The following TRRAP variants were observed in gnomAD, a reference collection of about 807,000 sequenced individuals.
TRRAP encodes the protein transformation/transcription domain associated protein.
Under a neutral mutation model 438.8 loss-of-function variants are expected in TRRAP, and 41 were observed. That is an observed-to-expected ratio of 0.09 (90% CI 0.07 to 0.12). The LOEUF is 0.12. Ranked by LOEUF, TRRAP falls within the 10% of genes least tolerant of loss-of-function variation. TRRAP has a pLI of 1.00. For missense variants in TRRAP, 3,122 were observed against 5,055.1 expected, an observed-to-expected ratio of 0.62 and a Z score of 11.60; for synonymous variants, 1,994 against 1,962.9, an observed-to-expected ratio of 1.02 and a Z score of -0.42.
At chr7:98,886,475 G>T (rs1275358082) in intron 3 of TRRAP, among the ~76,000 whole-genome samples, 1 of 151,972 alleles carries the variant, frequency 6.6e-6, no homozygotes, top group Non-Finnish European at 1.5e-5. Context: ...GAGAGATAGA[G>T]ATAGATATAG....
In TRRAP at chr7:98,959,347, A is replaced by G; in HGVS notation, c.6346A>G (p.Asn2116Asp). The change falls in exon 45 of 73, where the codon AAT becomes GAT. Residue 2116 changes from asparagine (N) to aspartate (D), a missense_variant. Around this residue, in one of 24 missense-constraint regions of TRRAP, gnomAD observed 992 missense variants for 1,281.2 expected, o/e 0.77. Transcript: ENST00000456197. ...NFLIRVACQV[N>D]DNTNTAGSPG... ...TGTAACTCGGATGAATTCCTAGGTTAATGACAACACCAACACAGCGGGGTC... is the reference window on the plus strand; with the variant it reads ...TGTAACTCGGATGAATTCCTAGGTTGATGACAACACCAACACAGCGGGGTC... The G allele has an allele frequency of 6.2e-7, 1 of 1,613,408 alleles. No homozygotes were observed. Among genetic ancestry groups the G allele is most frequent in the Non-Finnish European group, 8.5e-7 (1 of 1,179,792 alleles).
In TRRAP at chr7:99,010,506, G is replaced by A. The variant is rs564168508; in HGVS notation, c.10939-546G>A. ...TGGGAAAAGACCCCGTAGATGGCCT[G>A]TACCAGATGGTCGAACGGGAAGTCC... is the stretch of plus-strand genomic sequence containing the variant. On this transcript the variant is annotated intron_variant, in intron 70 of 72. Coordinates refer to ENST00000456197, the MANE Select transcript of TRRAP (RefSeq NM_001375524.1). 5.0e-4 allele frequency among the ~76,000 whole-genome samples: 76 copies of A among 152,338 alleles called. 1 individual carries two copies. Among genetic ancestry groups the A allele is most frequent in the African/African-American group, 1.8e-3 (73 of 41,592 alleles).
At chr7:98,903,146 C>T (rs1466011519) in intron 11 of TRRAP, among the ~76,000 whole-genome samples, 1 of 152,132 alleles carries the variant, frequency 6.6e-6, no homozygotes, top group Non-Finnish European at 1.5e-5. Context: ...CTCAGCCTCC[C>T]AAGTAGCTGG....
At chr7:98,883,230 A>G (rs1203221630) in intron 3 of TRRAP, among the ~76,000 whole-genome samples, 1 of 151,978 alleles carries the variant, frequency 6.6e-6, no homozygotes, top group Non-Finnish European at 1.5e-5. Context: ...TTTTTTTATT[A>G]TCTGCAACTT....
At chr7:98,996,906 G>A (rs1396252837) in intron 67 of TRRAP, among the ~76,000 whole-genome samples, 3 of 152,098 alleles carry the variant, frequency 2.0e-5, no homozygotes, top group Admixed American at 1.3e-4. Context: ...TTAAGATTAA[G>A]TATCCTCTTT....
intron 16 of TRRAP, 44 bp from the exon 17 acceptor site, chr7:98,911,033 G>T: frequency 6.4e-7 from 1 of 1,566,840 alleles, no homozygotes; most frequent in Non-Finnish European, 8.7e-7. Flanking sequence ...ATTCAGAGAG[G>T]TTCAGTTTTA....
chr7:98,972,121 C>T (rs1352515606), intron 53 of TRRAP, among the ~76,000 whole-genome samples, 176 bp downstream of exon 53: 2 of 152,202 alleles, frequency 1.3e-5, no homozygotes, highest in Admixed American at 6.5e-5. Context: ...CACCTCACTG[C>T]GGCCTCAGTC....
Position 98,910,279 on chromosome 7 carries a change from C to A in TRRAP, c.1574C>A (p.Pro525His). 6.2e-7 allele frequency: 1 copy of A among 1,602,106 alleles called. No individual in the cohort carries two copies. Among genetic ancestry groups the A allele is most frequent in the Non-Finnish European group, 8.5e-7 (1 of 1,179,164 alleles). Reference sequence around the variant, plus strand: ...ACCCCTGTGACCCCGGCCCCCGTGCCTCCCTTCGAGAAGCAAGGAGAAAAG... The same window carrying A: ...ACCCCTGTGACCCCGGCCCCCGTGCATCCCTTCGAGAAGCAAGGAGAAAAG... ...PATPVTPAPV[P>H]PFEKQGEKDK... is the part of the protein sequence containing the mutation. Residue 525 changes from proline to histidine, a missense_variant, in exon 15 of 73, where the codon CCT becomes CAT. By Grantham distance (77) the Pro-to-His change is moderately conservative. This residue lies in a region of TRRAP where 115 missense variants were observed against 124.6 expected (regional missense o/e 0.92). Transcript: ENST00000456197.
At chr7:98,900,397 A>G (rs1796421005) in intron 10 of TRRAP, among the ~76,000 whole-genome samples, 1 of 152,078 alleles carries the variant, frequency 6.6e-6, no homozygotes, top group African/African-American at 2.4e-5. Flanking sequence ...TGGGATTCAC[A>G]TTGTAACTGC....
rs984410571 is a variant in TRRAP at position 98,978,924 on chromosome 7, T to C, written c.8634+20T>C. ...GTGCAGGTGAGACGCCCCGGGGGCATCCCTGCCGCTGCCTGGGTCCCTTTT... is the reference window on the plus strand; with the variant it reads ...GTGCAGGTGAGACGCCCCGGGGGCACCCCTGCCGCTGCCTGGGTCCCTTTT... On this transcript the variant is annotated intron_variant, in intron 58 of 72. Transcript: ENST00000456197. 1 of 1,612,440 alleles carries C rather than the reference T, an allele frequency of 6.2e-7. No homozygotes were observed. The highest frequency in any genetic ancestry group is 8.5e-7 in the Non-Finnish European group (1 of 1,179,880).
At chr7:98,882,391 TC>T (rs1795491191) in intron 3 of TRRAP, among the ~76,000 whole-genome samples, 1 of 151,172 alleles carries the variant, frequency 6.6e-6, no homozygotes, top group Non-Finnish European at 1.5e-5. Context: ...AGATGGAGTT[TC>T]GCTCTTGTCG....
At chr7:99,001,332 C>T (rs1444613895) in intron 67 of TRRAP, among the ~76,000 whole-genome samples, 1 of 152,174 alleles carries the variant, frequency 6.6e-6, no homozygotes, top group African/African-American at 2.4e-5. Flanking sequence ...GCTTTCATCT[C>T]CTCAGGCTTA....
rs1474998297 is a variant in TRRAP at position 98,978,851 on chromosome 7, G to A, written c.8581G>A (p.Glu2861Lys). ...CCACATCAACCCCTACCTCGTCCTGGAGTGCGCCTGGCGGGTGTCCAACTG... is the reference window on the plus strand; with the variant it reads ...CCACATCAACCCCTACCTCGTCCTGAAGTGCGCCTGGCGGGTGTCCAACTG... ...KGHINPYLVL[E>K]CAWRVSNWTA... is the part of the protein sequence containing the mutation. The change falls in exon 58 of 73, where the codon GAG becomes AAG. Residue 2861 changes from glutamate to lysine, a missense_variant. By Grantham distance (56) the Glu-to-Lys change is moderately conservative (BLOSUM62 1). Coordinates refer to ENST00000456197, the MANE Select transcript of TRRAP (RefSeq NM_001375524.1). 6.2e-7 allele frequency: 1 copy of A among 1,614,108 alleles called. No individual in the cohort carries two copies. The highest frequency in any genetic ancestry group is 8.5e-7 in the Non-Finnish European group (1 of 1,180,052).
chr7:98,898,282 A>G (rs1796314534), intron 8 of TRRAP, among the ~76,000 whole-genome samples: 1 of 152,274 alleles, frequency 6.6e-6, no homozygotes, highest in Non-Finnish European at 1.5e-5. Flanking sequence ...TCTGACTCCA[A>G]GAAAGTTAAT....
At chr7:98,930,874 A>T in intron 25 of TRRAP, 44 bp downstream of exon 25, 1 of 1,610,882 alleles carries the variant, frequency 6.2e-7, no homozygotes, top group Non-Finnish European at 8.5e-7. Flanking sequence ...TGTTTTTGAA[A>T]TGGTGGTTTC....
intron 61 of TRRAP, 129 bp downstream of exon 61, chr7:98,984,487 A>C: frequency 1.7e-6 from 2 of 1,160,280 alleles, no homozygotes; most frequent in Non-Finnish European, 2.4e-6. Context: ...ATACAGCCTC[A>C]GTAAGGGGGA....
Position 99,008,455 on chromosome 7 carries a change from A to T in TRRAP, c.10832A>T (p.Tyr3611Phe). The T allele has an allele frequency of 1.2e-6, 2 of 1,613,978 alleles. No homozygotes were observed. Among genetic ancestry groups the T allele is most frequent in the Non-Finnish European group, 1.7e-6 (2 of 1,179,972 alleles). Residue 3611 changes from tyrosine to phenylalanine, a missense_variant, in exon 70 of 73, where the codon TAC becomes TTC. Physicochemically the swap from Tyr to Phe is conservative, Grantham distance 22. Transcript: ENST00000456197. The part of the protein sequence containing the change: ...NPSSLSLVEI[Y>F]KQRCAKKGIE... ...TCTTCACTTTCCCTTGTGGAGATCTACAAGCAGCGCTGCGCCAAGAAGGGC... is the reference window on the plus strand; with the variant it reads ...TCTTCACTTTCCCTTGTGGAGATCTTCAAGCAGCGCTGCGCCAAGAAGGGC...
chr7:98,937,285 T>G lies in TRRAP; in HGVS notation c.4233+8T>G. The G allele has an allele frequency of 6.2e-7, 1 of 1,609,808 alleles. No homozygotes were observed. The highest frequency in any genetic ancestry group is 8.5e-7 in the Non-Finnish European group (1 of 1,178,132). ...GAAGCCTGTATGAGAAAGGTGAGTG[T>G]GTGTGCGTGCGTGTATGCGCACGCG... is the stretch of plus-strand genomic sequence containing the variant. On this transcript the variant is annotated splice_region_variant and intron_variant, in intron 29 of 72. Coordinates refer to ENST00000456197, the MANE Select transcript of TRRAP (RefSeq NM_001375524.1).
intron 13 of TRRAP, 114 bp downstream of exon 13, chr7:98,906,369 G>A: frequency 1.7e-6 from 1 of 573,212 alleles, no homozygotes; most frequent in Non-Finnish European, 2.9e-6. Context: ...TGACACACCT[G>A]TTAGGTTAGC....
Sources: allele counts gnomAD v4.1 joint callset (sites outside exome capture counted in the v4.1 genomes callset), GRCh38; gene constraint gnomAD v4.1.1; regional missense constraint gnomAD v4.1.1; transcripts MANE v1.5; gene names NCBI Gene and HGNC (gene_info 2026-07-23, HGNC 2026-07-21).